The following WWC1 variants were observed in gnomAD, a reference collection of about 807,000 sequenced individuals.
WWC1 encodes the protein protein KIBRA.
In WWC1, 55 loss-of-function variants were observed where a neutral mutation model predicts 138.4. That is an observed-to-expected ratio of 0.40 (90% CI 0.32 to 0.50). WWC1 has a LOEUF of 0.50. Ranked by LOEUF, WWC1 falls within the 20% of genes least tolerant of loss-of-function variation. WWC1 has a pLI of 0.72. For missense variants in WWC1, 1,226 were observed against 1,420.4 expected (o/e 0.86, Z 2.20); for synonymous variants, 524 against 564.9 (o/e 0.93, Z 1.03).
At chr5:168,455,257 G>T (rs1196840185) in intron 18 of WWC1, 99 bp from the exon 19 acceptor site, 1 of 1,391,584 alleles carries the variant, frequency 7.2e-7, no homozygotes. Flanking sequence ...GTGGGAAAAG[G>T]TGAGGTGACA....
intron 1 of WWC1, among the ~76,000 whole-genome samples, chr5:168,326,701 T>A (rs915749761): frequency 2.0e-5 from 3 of 151,678 alleles, no homozygotes; most frequent in Admixed American, 2.0e-4. Context: ...CGCGCCACCA[T>A]GCTAATTTTT....
At chr5:168,391,376 A>G (rs915838883) in intron 3 of WWC1, among the ~76,000 whole-genome samples, 3 of 152,148 alleles carry the variant, frequency 2.0e-5, no homozygotes, top group South Asian at 2.1e-4. Flanking sequence ...AAACTAAAAA[A>G]TGGACCAGGC....
chr5:168,414,077 A>G, intron 8 of WWC1: 1 of 425,750 alleles, frequency 2.3e-6, no homozygotes, highest in East Asian at 4.5e-5. Flanking sequence ...CTGGTGATGA[A>G]TCCACATCTC....
chr5:168,403,407 T>A (rs960464239), intron 5 of WWC1, among the ~76,000 whole-genome samples: 3 of 152,110 alleles, frequency 2.0e-5, no homozygotes, highest in Non-Finnish European at 4.4e-5. Context: ...AGCTCTGTTG[T>A]TTTTGAAGAG....
chr5:168,450,084 A>G (rs945097436), intron 17 of WWC1, among the ~76,000 whole-genome samples: 16 of 152,224 alleles, frequency 1.1e-4, no homozygotes, highest in African/African-American at 3.6e-4. Context: ...GCTGGATGTC[A>G]GATTCTCTGC....
chr5:168,386,616 C>T (rs565754291), intron 3 of WWC1, among the ~76,000 whole-genome samples: 49 of 151,714 alleles, frequency 3.2e-4, no homozygotes, highest in African/African-American at 1.1e-3. Context: ...AGGATGATCT[C>T]GATCTCCTGT....
chr5:168,400,098 T>G (rs751045961), intron 5 of WWC1, among the ~76,000 whole-genome samples: 1 of 152,124 alleles, frequency 6.6e-6, no homozygotes, highest in Non-Finnish European at 1.5e-5. Context: ...CAGGATAACT[T>G]TCACCAAATG....
At chr5:168,348,266 G>A (rs1022875669) in intron 1 of WWC1, among the ~76,000 whole-genome samples, 1 of 152,226 alleles carries the variant, frequency 6.6e-6, no homozygotes, top group Non-Finnish European at 1.5e-5. Flanking sequence ...GTGCACGGGT[G>A]TGTGCACAGG....
chr5:168,453,861 C>T, intron 17 of WWC1, 107 bp from the exon 18 acceptor site: 2 of 1,537,816 alleles, frequency 1.3e-6, no homozygotes, highest in East Asian at 2.3e-5. Flanking sequence ...TAAAATATAT[C>T]TTCAATCATC....
At chr5:168,339,913 C>G (rs1413334042) in intron 1 of WWC1, among the ~76,000 whole-genome samples, 1 of 140,618 alleles carries the variant, frequency 7.1e-6, no homozygotes, top group Non-Finnish European at 1.5e-5. Context: ...CTCTTTCTCT[C>G]TCTCTCTCTC....
intron 15 of WWC1, 64 bp from the exon 16 acceptor site, chr5:168,441,618 A>T: frequency 1.9e-6 from 3 of 1,569,560 alleles, no homozygotes; most frequent in Non-Finnish European, 2.6e-6. Flanking sequence ...CTTGAACCAA[A>T]TTCCCTGACA....
At chr5:168,389,129 G>A (rs1778267895) in intron 3 of WWC1, among the ~76,000 whole-genome samples, 1 of 152,112 alleles carries the variant, frequency 6.6e-6, no homozygotes, top group South Asian at 2.1e-4. Context: ...TGGGCACTAT[G>A]AGAATGAAAC....
Position 168,453,954 on chromosome 5 carries a change from C to T in WWC1, c.2526-14C>T. 6.2e-7 allele frequency: 1 copy of T among 1,611,318 alleles called. No homozygotes were observed. The highest frequency in any genetic ancestry group is 1.1e-5 in the South Asian group (1 of 90,818). On this transcript the variant is annotated splice_polypyrimidine_tract_variant and intron_variant, in intron 17 of 22. Coordinates refer to ENST00000265293, the MANE Select transcript of WWC1 (RefSeq NM_015238.3). ...GGCTTCTGGGTGGGTAACCAAAGTG[C>T]TTTGTCATCACAGGAGGTATGAGGA... is the stretch of plus-strand genomic sequence containing the variant.
chr5:168,318,933 C>T (rs561303059), intron 1 of WWC1, among the ~76,000 whole-genome samples: 49 of 152,274 alleles, frequency 3.2e-4, no homozygotes, highest in African/African-American at 1.2e-3. Context: ...GAATTTCTTT[C>T]CTTTTTAAAG....
chr5:168,307,686 C>G (rs1184412471), intron 1 of WWC1, among the ~76,000 whole-genome samples: 2 of 151,190 alleles, frequency 1.3e-5, no homozygotes, highest in Non-Finnish European at 2.9e-5. Flanking sequence ...CTCACTGCAA[C>G]CTCCGCCTCC....
chr5:168,378,999 C>T (rs1361874796), intron 2 of WWC1, among the ~76,000 whole-genome samples: 1 of 151,980 alleles, frequency 6.6e-6, no homozygotes, highest in African/African-American at 2.4e-5. Flanking sequence ...AGTGTGCTGC[C>T]ATGTGTGCTG....
At chr5:168,374,746 A>G (rs1444815723) in intron 2 of WWC1, among the ~76,000 whole-genome samples, 9 of 152,132 alleles carry the variant, frequency 5.9e-5, no homozygotes, top group African/African-American at 2.2e-4. Flanking sequence ...CTGAGAATAC[A>G]CCTTATTAGG....
At chr5:168,398,333 G>A (rs1387028539) in intron 4 of WWC1, among the ~76,000 whole-genome samples, 1 of 152,100 alleles carries the variant, frequency 6.6e-6, no homozygotes, top group Non-Finnish European at 1.5e-5. Context: ...TCGATCTCCT[G>A]ACCTCGTGAT....
chr5:168,447,748 A>C (rs573089125), intron 17 of WWC1, among the ~76,000 whole-genome samples: 3 of 151,790 alleles, frequency 2.0e-5, no homozygotes, highest in Admixed American at 6.6e-5. Context: ...GGTTCTCTCT[A>C]AATTGTCTCA....
Sources: gnomAD v4.1 joint callset for allele counts (sites outside exome capture counted in the v4.1 genomes callset) on GRCh38, gnomAD v4.1.1 for gene constraint, MANE v1.5 for transcripts, NCBI Gene and HGNC (gene_info 2026-07-23, HGNC 2026-07-21) for gene names.